Variants in VAV3 observed in about 807,000 individuals in gnomAD.
VAV3 encodes the protein vav guanine nucleotide exchange factor 3, also known as guanine nucleotide exchange factor VAV3.
In VAV3, 94 loss-of-function variants were observed where a neutral mutation model predicts 131.2. That is an observed-to-expected ratio of 0.72 (90% CI 0.61 to 0.85). The LOEUF (loss-of-function observed/expected upper bound fraction) is 0.85, where lower values mean the gene tolerates loss of function less well. Among genes scored for constraint, VAV3 ranks in the 40% least tolerant of loss-of-function variants. The probability of loss-of-function intolerance (pLI) is 0.00; values close to 1 mark genes in which losing one functional copy is unlikely to be tolerated. For missense variants in VAV3, 939 were observed against 1,002.7 expected (o/e 0.94, Z 0.86); for synonymous variants, 349 against 342.0 (o/e 1.02, Z -0.22).
At chr1:107,668,333 G>C (rs1489383387) in intron 19 of VAV3, among the ~76,000 whole-genome samples, 1 of 152,180 alleles carries the variant, frequency 6.6e-6, no homozygotes, top group Admixed American at 6.5e-5. Flanking sequence ...ATATATGGAA[G>C]TTTTATAAGG....
At chr1:107,796,733 A>T (rs1043029136) in intron 2 of VAV3, among the ~76,000 whole-genome samples, 2 of 151,582 alleles carry the variant, frequency 1.3e-5, no homozygotes, top group Non-Finnish European at 2.9e-5. Context: ...GACAGAGTCA[A>T]TAAGTTATGT....
In VAV3 at chr1:107,757,261, C is replaced by T; in HGVS notation, c.1086G>A (p.Lys362=). The change falls in exon 11 of 27, where the codon AAG becomes AAA. Residue 362 remains lysine (K), a splice_region_variant and synonymous_variant. Transcript: ENST00000370056. The stretch of plus-strand genomic sequence containing the variant: ...CAAATTACTGATGAATCTGCCCTAC[C>T]TTCATGGCATCAAGAGCCAGTTTCA... ...ANLKLALDAM[K]DLAQYVNEVK... The T allele has an allele frequency of 1.2e-6, 2 of 1,612,244 alleles. No homozygotes were observed. The highest frequency in any genetic ancestry group is 1.7e-6 in the Non-Finnish European group (2 of 1,179,376).
At chr1:107,581,858 C>A (rs17477236) in intron 25 of VAV3, among the ~76,000 whole-genome samples, 33,767 of 152,138 alleles carry the variant, frequency 0.22, 4,797 homozygotes, top group Middle Eastern at 0.34. Context: ...CCAACCTAAT[C>A]GACACTCTTC....
intron 22 of VAV3, among the ~76,000 whole-genome samples, chr1:107,605,024 C>T (rs912022594): frequency 6.6e-6 from 1 of 152,136 alleles, no homozygotes; most frequent in Non-Finnish European, 1.5e-5. Context: ...TTTCTGTAAC[C>T]TCTACAAAGC....
At chr1:107,844,173 G>A (rs1291894479) in intron 2 of VAV3, among the ~76,000 whole-genome samples, 1 of 151,894 alleles carries the variant, frequency 6.6e-6, no homozygotes, top group Non-Finnish European at 1.5e-5. Context: ...CCGAGGGCAA[G>A]CAGAAGCAGG....
chr1:107,573,158 C>T lies in VAV3; in HGVS notation c.*173G>A. On this transcript the variant is annotated 3_prime_UTR_variant, in exon 27 of 27. Transcript: ENST00000370056. The stretch of plus-strand genomic sequence containing the variant: ...TAGGCAAGCCATTAATCTGTCAGTA[C>T]CAGCATCTTTAGAAATCTCAGCATT... 1 of 697,472 alleles carries T rather than the reference C, an allele frequency of 1.4e-6. No homozygotes were observed. Among genetic ancestry groups the T allele is most frequent in the Non-Finnish European group, 2.4e-6 (1 of 424,084 alleles). 43.2% of individuals were successfully genotyped at this position (697,472 alleles called of 1,614,324 possible).
At chr1:107,793,438 C>T (rs1038418896) in intron 2 of VAV3, among the ~76,000 whole-genome samples, 1 of 152,164 alleles carries the variant, frequency 6.6e-6, no homozygotes, top group Non-Finnish European at 1.5e-5. Context: ...TATATTGTCT[C>T]CCAGAATGAG....
At chr1:107,722,856 G>A (rs200212485) in intron 15 of VAV3, among the ~76,000 whole-genome samples, 1 of 28,298 alleles carries the variant, frequency 3.5e-5, no homozygotes, top group Non-Finnish European at 8.2e-5. Context: ...TTTTTTTTTT[G>A]TACGCTTACT....
intron 15 of VAV3, among the ~76,000 whole-genome samples, chr1:107,719,128 A>G (rs974010748): frequency 2.0e-5 from 3 of 152,238 alleles, no homozygotes; most frequent in Non-Finnish European, 4.4e-5. Context: ...AGGCAATACC[A>G]TTCAGGACAT....
chr1:107,890,098 ATTCT>A (rs1671242674), intron 1 of VAV3, among the ~76,000 whole-genome samples: 2 of 152,140 alleles, frequency 1.3e-5, no homozygotes, highest in South Asian at 2.1e-4. Context: ...ATAAAATTTT[ATTCT>A]TTCTTAGTAT....
chr1:107,693,444 G>A (rs1659558926), intron 17 of VAV3, among the ~76,000 whole-genome samples: 1 of 151,924 alleles, frequency 6.6e-6, no homozygotes, highest in Admixed American at 6.6e-5. Context: ...ATACAAATGA[G>A]GTGCTTCATT....
At chr1:107,862,943 C>CA (rs1198603731) in intron 2 of VAV3, among the ~76,000 whole-genome samples, 1 of 151,302 alleles carries the variant, frequency 6.6e-6, no homozygotes, top group Admixed American at 6.6e-5. Context: ...CAGTAAATAC[C>CA]AAAAAAACCC....
chr1:107,601,594 C>T (rs1259608121), intron 24 of VAV3, among the ~76,000 whole-genome samples: 2 of 149,496 alleles, frequency 1.3e-5, no homozygotes, highest in Non-Finnish European at 3.0e-5. Flanking sequence ...CATCTTATGT[C>T]CTATATCCAA....
rs138993498 is a variant in VAV3 at position 107,785,442 on chromosome 1, G to A, written c.322-5950C>T. On this transcript the variant is annotated intron_variant, in intron 2 of 26. Transcript: ENST00000370056. Reference sequence around the variant, plus strand: ...AACCTGGGTTCAAAAGGAATTCCGAGGGAAAGGGTACTTACAGGGAGGTGG... The same window carrying A: ...AACCTGGGTTCAAAAGGAATTCCGAAGGAAAGGGTACTTACAGGGAGGTGG... 4.4e-5 allele frequency: 58 copies of A among 1,330,308 alleles called. 1 individual carries two copies. Among genetic ancestry groups the A allele is most frequent in the Non-Finnish European group, 5.2e-5 (52 of 1,007,462 alleles). 82.4% of individuals were successfully genotyped at this position (1,330,308 alleles called of 1,614,324 possible). A position where few individuals can be genotyped will look rare whatever the true frequency, so the allele number is the denominator to read the frequency against.
At chr1:107,721,821 A>C (rs1025219690) in intron 15 of VAV3, among the ~76,000 whole-genome samples, 25 of 152,208 alleles carry the variant, frequency 1.6e-4, no homozygotes, top group Admixed American at 1.3e-4. Context: ...CAGACCCAGC[A>C]TGACTGAGGG....
At chr1:107,948,427 G>A (rs1451250018) in intron 1 of VAV3, among the ~76,000 whole-genome samples, 1 of 152,294 alleles carries the variant, frequency 6.6e-6, no homozygotes, top group East Asian at 1.9e-4. Context: ...CAAACCAAGT[G>A]ACCTTGGTCA....
chr1:107,897,676 C>A (rs1671661372), intron 1 of VAV3, among the ~76,000 whole-genome samples: 1 of 152,098 alleles, frequency 6.6e-6, no homozygotes, highest in Non-Finnish European at 1.5e-5. Context: ...AGTGCATAAA[C>A]CATAGACTGC....
intron 2 of VAV3, among the ~76,000 whole-genome samples, chr1:107,860,158 T>C (rs1669669171): frequency 6.6e-6 from 1 of 152,158 alleles, no homozygotes; most frequent in Admixed American, 6.6e-5. Flanking sequence ...TCTCACTCTA[T>C]CACCCAGGCG....
intron 15 of VAV3, among the ~76,000 whole-genome samples, chr1:107,744,020 C>T (rs542032532): frequency 3.9e-5 from 6 of 152,286 alleles, no homozygotes; most frequent in East Asian, 1.9e-4. Flanking sequence ...TGGAGCTTAA[C>T]GGCTACATTC....
Sources: allele counts gnomAD v4.1 joint callset (sites outside exome capture counted in the v4.1 genomes callset), GRCh38; gene constraint gnomAD v4.1.1; transcripts MANE v1.5; gene names NCBI Gene and HGNC (gene_info 2026-07-23, HGNC 2026-07-21).